CNR1: variants seen among roughly 807,000 people sequenced by gnomAD.
The protein encoded by CNR1 is cannabinoid receptor 1 (brain).
In CNR1, 10 loss-of-function variants were observed where a neutral mutation model predicts 23.0. The observed-to-expected ratio is 0.43, with a 90% CI of 0.27 to 0.74. The LOEUF (loss-of-function observed/expected upper bound fraction) is 0.74, where lower values mean the gene tolerates loss of function less well. Ranked by LOEUF, CNR1 falls within the 30% of genes least tolerant of loss-of-function variation. CNR1 has a pLI of 0.19. For missense variants in CNR1, 422 were observed against 618.8 expected (o/e 0.68, Z 3.37); for synonymous variants, 271 against 255.2 (o/e 1.06, Z -0.59).
chr6:88,145,848 AGTGTAGAATCAAGTGATGAGTT>A (rs1315654828), intron 1 of CNR1, among the ~76,000 whole-genome samples: 6 of 152,214 alleles, frequency 3.9e-5, no homozygotes, highest in Non-Finnish European at 7.3e-5. Flanking sequence ...AGAATAAGAC[AGTGTAGAATCAAGTGATGAGTT>A]GTGTGGTCTG....
Position 88,143,628 on chromosome 6 carries a change from T to C in CNR1, c.*228A>G. 2.1e-6 allele frequency: 1 copy of C among 482,684 alleles called. No individual in the cohort carries two copies. The highest frequency in any genetic ancestry group is 3.7e-6 in the Non-Finnish European group (1 of 272,902). 29.9% of individuals were successfully genotyped at this position (482,684 alleles called of 1,614,324 possible). On this transcript the variant is annotated 3_prime_UTR_variant, in exon 2 of 2. Transcript: ENST00000369501. ...TTTCATTGAGACTTTGAAGGATCGT[T>C]CAGTCACTTAAACAACAGGCTTTCT...
At chr6:88,149,236 C>T (rs981172470) in intron 1 of CNR1, among the ~76,000 whole-genome samples, 6 of 152,192 alleles carry the variant, frequency 3.9e-5, no homozygotes, top group African/African-American at 1.4e-4. Context: ...TGCTTCTGGG[C>T]TCCTTTATCT....
In CNR1 at chr6:88,141,824, A is replaced by G. The variant is rs1776839702; in HGVS notation, c.*2032T>C. 1 of 152,420 alleles carries G rather than the reference A, an allele frequency of 6.6e-6. No homozygotes were observed. Among genetic ancestry groups the G allele is most frequent in the Non-Finnish European group, 1.5e-5 (1 of 68,084 alleles). The allele number at this position is 152,420 out of a possible 1,614,324, so 9.4% of individuals were successfully genotyped here. A position where few individuals can be genotyped will look rare whatever the true frequency, so the allele number is the denominator to read the frequency against. ...GAACCGTAAGAAGGGGAACTGCCCC[A>G]TCAGGCTGCTTGGGTATCTCGAGAG... On this transcript the variant is annotated 3_prime_UTR_variant, in exon 2 of 2. Transcript: ENST00000369501.
chr6:88,148,741 GAGGCAAA>G (rs1249018254), intron 1 of CNR1, among the ~76,000 whole-genome samples: 8 of 152,174 alleles, frequency 5.3e-5, no homozygotes, highest in Non-Finnish European at 1.0e-4. Flanking sequence ...TGGCTACAGA[GAGGCAAA>G]CAAGAATATT....
intron 1 of CNR1, among the ~76,000 whole-genome samples, chr6:88,158,045 G>GA (rs1382623676): frequency 6.6e-6 from 1 of 152,114 alleles, no homozygotes; most frequent in African/African-American, 2.4e-5. Context: ...TACTTTAGTC[G>GA]AAATGTTTAG....
Position 88,141,135 on chromosome 6 carries a change from C to G in CNR1, c.*2721G>C, listed in dbSNP as rs750990432. 1 of 152,320 alleles carries G rather than the reference C, an allele frequency of 6.6e-6. No individual in the cohort carries two copies. The highest frequency in any genetic ancestry group is 6.6e-5 in the Admixed American group (1 of 15,262). 9.4% of individuals were successfully genotyped at this position (152,320 alleles called of 1,614,324 possible). A position where few individuals can be genotyped will look rare whatever the true frequency, so the allele number is the denominator to read the frequency against. ...ATTTAAATCATTTAAATTAATGGAT[C>G]TAATTATGGGGTTAATTAATGAGTG... On this transcript the variant is annotated 3_prime_UTR_variant, in exon 2 of 2. Transcript: ENST00000369501.
intron 1 of CNR1, among the ~76,000 whole-genome samples, chr6:88,159,175 T>A (rs1229544415): frequency 6.6e-6 from 1 of 152,168 alleles, no homozygotes; most frequent in African/African-American, 2.4e-5. Flanking sequence ...TTATTGAGCA[T>A]AACAAGAAAA....
rs1217676600 is a variant in CNR1, at chr6:88,165,964, G to C, written c.-225C>G. The C allele has an allele frequency of 2.0e-5, 3 of 152,872 alleles. No homozygotes were observed. The highest frequency in any genetic ancestry group is 7.2e-5 in the African/African-American group (3 of 41,456). The allele number at this position is 152,872 out of a possible 1,614,324, so 9.5% of individuals were successfully genotyped here. On this transcript the variant is annotated 5_prime_UTR_variant, in exon 1 of 2. Coordinates refer to ENST00000369501, the MANE Select transcript of CNR1 (RefSeq NM_016083.6). ...GCCAAGGGAAGGCGCTGGCGCCGCGGGAGACAAGAAGAGGCGGAGGCGGAA... is the reference window on the plus strand; with the variant it reads ...GCCAAGGGAAGGCGCTGGCGCCGCGCGAGACAAGAAGAGGCGGAGGCGGAA...
At chr6:88,150,353 T>C (rs536533984) in intron 1 of CNR1, among the ~76,000 whole-genome samples, 7 of 152,178 alleles carry the variant, frequency 4.6e-5, no homozygotes, top group East Asian at 1.9e-4. Flanking sequence ...TAGTTTTTTT[T>C]CTCAAAGGCA....
chr6:88,160,008 A>G (rs1778005965), intron 1 of CNR1, among the ~76,000 whole-genome samples: 2 of 152,018 alleles, frequency 1.3e-5, no homozygotes, highest in South Asian at 4.2e-4. Flanking sequence ...ATCAACCATT[A>G]TATTGGTTAA....
At chr6:88,165,191 G>T (rs1459018597) in intron 1 of CNR1, among the ~76,000 whole-genome samples, 1 of 152,114 alleles carries the variant, frequency 6.6e-6, no homozygotes, top group Non-Finnish European at 1.5e-5. Context: ...TATTTGAGAG[G>T]TGATCCGTTT....
At chr6:88,166,561 G>T (rs1373476686), upstream of CNR1, among the ~76,000 whole-genome samples, 3 of 152,074 alleles carry the variant, frequency 2.0e-5, no homozygotes, top group Admixed American at 6.5e-5. Flanking sequence ...AGCCTCTTCG[G>T]CCCGCGTCAC....
In CNR1 at chr6:88,144,423, G is replaced by A. The variant is rs149974154; in HGVS notation, c.852C>T (p.Ser284=). The A allele has an allele frequency of 5.6e-6, 9 of 1,613,994 alleles. No individual in the cohort carries two copies. Among genetic ancestry groups the A allele is most frequent in the African/African-American group, 5.3e-5 (4 of 74,926 alleles). ...CATACACGATGAACAGAAGCAGTAC[G>A]CTGGTGACCCCGATCCAGAACATCA... ...TYLMFWIGVT[S]VLLLFIVYAY... is the part of the protein sequence containing the mutation. Residue 284 remains serine (S), a synonymous_variant, in exon 2 of 2, where the codon AGC becomes AGT. Transcript: ENST00000369501. The surrounding 1 kb of genome is among the most constrained non-coding windows in gnomAD (Gnocchi z 7.8).
intron 1 of CNR1, among the ~76,000 whole-genome samples, chr6:88,151,594 C>T (rs1777522264): frequency 6.6e-6 from 1 of 151,894 alleles, no homozygotes; most frequent in Non-Finnish European, 1.5e-5. Flanking sequence ...AGTAAGTCTT[C>T]AATGGGTATT....
chr6:88,164,452 C>T (rs542683886), intron 1 of CNR1: 4 of 152,436 alleles, frequency 2.6e-5, no homozygotes, highest in Admixed American at 6.5e-5. Context: ...GTTTAAAATT[C>T]TGGAGGTGCA....
In CNR1 at chr6:88,143,311, T is replaced by C. The variant is rs1172105652; in HGVS notation, c.*545A>G. Reference sequence around the variant, plus strand: ...ATAATATAGAAAAAAAGTGCACACATTGACACGTATCCACTGCTTGTCCAT... The same window carrying C: ...ATAATATAGAAAAAAAGTGCACACACTGACACGTATCCACTGCTTGTCCAT... On this transcript the variant is annotated 3_prime_UTR_variant, in exon 2 of 2. Transcript: ENST00000369501. 1 of 153,122 alleles carries C rather than the reference T, an allele frequency of 6.5e-6. No individual in the cohort carries two copies. The highest frequency in any genetic ancestry group is 1.9e-4 in the East Asian group (1 of 5,342). The allele number at this position is 153,122 out of a possible 1,614,324, so 9.5% of individuals were successfully genotyped here.
intron 1 of CNR1, among the ~76,000 whole-genome samples, chr6:88,160,009 T>C (rs1015917638): frequency 6.6e-6 from 1 of 152,036 alleles, no homozygotes; most frequent in African/African-American, 2.4e-5. Flanking sequence ...TCAACCATTA[T>C]ATTGGTTAAC....
intron 1 of CNR1, chr6:88,164,390 C>G (rs1562519866): frequency 6.6e-6 from 1 of 152,354 alleles, no homozygotes; most frequent in Non-Finnish European, 1.5e-5. Flanking sequence ...GTCTCTTGCC[C>G]CACTATGGTA....
chr6:88,166,329 C>T lies in CNR1; in HGVS notation c.-590G>A, dbSNP rs1778370285. 1 of 152,376 alleles carries T rather than the reference C, an allele frequency of 6.6e-6. No homozygotes were observed. Among genetic ancestry groups the T allele is most frequent in the African/African-American group, 2.4e-5 (1 of 41,450 alleles). 9.4% of individuals were successfully genotyped at this position (152,376 alleles called of 1,614,324 possible). On this transcript the variant is annotated 5_prime_UTR_variant, in exon 1 of 2. Transcript: ENST00000369501. ...CCGCTCGCGCAGTCCCTGCCGCTCCCTCCGCTCGCGCTGTCTCTGGCTCCC... is the reference window on the plus strand; with the variant it reads ...CCGCTCGCGCAGTCCCTGCCGCTCCTTCCGCTCGCGCTGTCTCTGGCTCCC...
Sources: gnomAD v4.1 joint callset for allele counts (sites outside exome capture counted in the v4.1 genomes callset) on GRCh38, gnomAD v4.1.1 for gene constraint, Gnocchi (gnomAD v3.1) non-coding constraint, MANE v1.5 for transcripts, NCBI Gene and HGNC (gene_info 2026-07-23, HGNC 2026-07-21) for gene names.